The following INPP4B variants were observed in gnomAD, a reference collection of about 807,000 sequenced individuals.
INPP4B encodes inositol polyphosphate-4-phosphatase type II B.
Under a neutral mutation model 122.5 loss-of-function variants are expected in INPP4B, and 55 were observed. The observed-to-expected ratio is 0.45, with a 90% confidence interval of 0.36 to 0.56. INPP4B has a LOEUF of 0.56. Ranked by LOEUF, INPP4B falls within the 20% of genes least tolerant of loss-of-function variation. The probability of loss-of-function intolerance (pLI) is 0.00; values close to 1 mark genes in which losing one functional copy is unlikely to be tolerated. For synonymous variants in INPP4B, 403 were observed against 388.7 expected (o/e 1.04, Z -0.43); for missense variants, 1,000 against 1,097.7 (o/e 0.91, Z 1.26).
At chr4:142,752,437 G>A (rs1178847036) in intron 1 of INPP4B, among the ~76,000 whole-genome samples, 1 of 152,004 alleles carries the variant, frequency 6.6e-6, no homozygotes, top group Non-Finnish European at 1.5e-5. Flanking sequence ...ATCACAACCT[G>A]AATTTCCGCC....
intron 2 of INPP4B, among the ~76,000 whole-genome samples, chr4:142,658,736 G>T (rs1344542781): frequency 1.3e-5 from 2 of 152,108 alleles, no homozygotes; most frequent in South Asian, 2.1e-4. Context: ...ATCTTGACTT[G>T]CAGAGCCAAT....
chr4:142,243,152 C>T (rs1378644245), intron 11 of INPP4B, among the ~76,000 whole-genome samples: 1 of 152,068 alleles, frequency 6.6e-6, no homozygotes, highest in Non-Finnish European at 1.5e-5. Context: ...AAAGATTAAC[C>T]GTAACTGAAA....
At chr4:142,346,678 G>A (rs1262196903) in intron 7 of INPP4B, among the ~76,000 whole-genome samples, 1 of 151,882 alleles carries the variant, frequency 6.6e-6, no homozygotes, top group African/African-American at 2.4e-5. Context: ...TGCAATTATG[G>A]CTCTAACAAC....
At chr4:142,763,389 A>G (rs1351247136) in intron 1 of INPP4B, among the ~76,000 whole-genome samples, 2 of 152,182 alleles carry the variant, frequency 1.3e-5, no homozygotes, top group Non-Finnish European at 2.9e-5. Flanking sequence ...ATTTTGATAG[A>G]TATTAATTAA....
intron 2 of INPP4B, among the ~76,000 whole-genome samples, chr4:142,469,255 G>T (rs1346268513): frequency 6.6e-6 from 1 of 151,790 alleles, no homozygotes; most frequent in East Asian, 1.9e-4. Context: ...ATTTCCAAAA[G>T]AATGCAGCTC....
chr4:142,104,861 A>G (rs1786204023), intron 23 of INPP4B, among the ~76,000 whole-genome samples: 1 of 152,198 alleles, frequency 6.6e-6, no homozygotes. Context: ...AATAGCTGTT[A>G]TACTATATTT....
At chr4:142,553,736 G>A (rs1165031132) in intron 2 of INPP4B, among the ~76,000 whole-genome samples, 2 of 152,098 alleles carry the variant, frequency 1.3e-5, no homozygotes, top group African/African-American at 4.8e-5. Context: ...CTCCCCATTG[G>A]TGTTTCCTGG....
chr4:142,081,852 G>T (rs1213759070), intron 25 of INPP4B, among the ~76,000 whole-genome samples, 179 bp downstream of exon 25: 1 of 151,336 alleles, frequency 6.6e-6, no homozygotes, highest in Non-Finnish European at 1.5e-5. Flanking sequence ...AGATAGAGAT[G>T]AAATCATTAT....
intron 9 of INPP4B, among the ~76,000 whole-genome samples, chr4:142,289,822 A>T (rs1463272514): frequency 6.6e-6 from 1 of 152,196 alleles, no homozygotes; most frequent in African/African-American, 2.4e-5. Flanking sequence ...CCCCAAATCT[A>T]GACCAAAACT....
chr4:142,255,591 C>T (rs1032829053), intron 11 of INPP4B, among the ~76,000 whole-genome samples: 3 of 151,996 alleles, frequency 2.0e-5, no homozygotes, highest in Non-Finnish European at 2.9e-5. Flanking sequence ...CCAACAAAGA[C>T]CAAAAGCGAC....
intron 15 of INPP4B, among the ~76,000 whole-genome samples, chr4:142,176,529 C>T (rs538509373): frequency 6.6e-6 from 1 of 152,064 alleles, no homozygotes; most frequent in Non-Finnish European, 1.5e-5. Flanking sequence ...TATCAAATTC[C>T]CTGACAGTCT....
chr4:142,652,707 A>G (rs1334226293), intron 2 of INPP4B, among the ~76,000 whole-genome samples: 1 of 152,202 alleles, frequency 6.6e-6, no homozygotes, highest in Middle Eastern at 3.2e-3. Flanking sequence ...TCAACGAAAT[A>G]AAAGAGGACA....
intron 23 of INPP4B, among the ~76,000 whole-genome samples, chr4:142,095,709 A>T (rs1402851173): frequency 2.0e-5 from 3 of 152,198 alleles, no homozygotes; most frequent in Non-Finnish European, 4.4e-5. Flanking sequence ...GTCAACATAG[A>T]TTGCAAAGAC....
chr4:142,307,287 C>T (rs932686872), intron 8 of INPP4B, among the ~76,000 whole-genome samples: 1 of 152,170 alleles, frequency 6.6e-6, no homozygotes, highest in African/African-American at 2.4e-5. Flanking sequence ...CGAAAGCACA[C>T]TCCCCTCCCA....
rs567017544 is a variant in INPP4B at position 142,808,255 on chromosome 4, T to G, written c.-254+37954A>C. On this transcript the variant is annotated intron_variant, in intron 1 of 25. Transcript: ENST00000262992. ...TTGAAAATAATTACCAAATAAGGTT[T>G]CACAACAGGTGAGACTTCCTAGGAT... 2.0e-5 allele frequency among the ~76,000 whole-genome samples: 3 copies of G among 152,352 alleles called. No homozygotes were observed. In the East Asian group the frequency reaches 5.8e-4, roughly 29 times the overall value.
intron 1 of INPP4B, among the ~76,000 whole-genome samples, chr4:142,762,256 T>G (rs921902048): frequency 6.6e-6 from 1 of 152,132 alleles, no homozygotes; most frequent in Non-Finnish European, 1.5e-5. Flanking sequence ...TGGTTAATAC[T>G]AGAGTGGAGA....
intron 2 of INPP4B, among the ~76,000 whole-genome samples, chr4:142,494,237 A>G (rs1268692910): frequency 6.6e-6 from 1 of 152,152 alleles, no homozygotes; most frequent in Non-Finnish European, 1.5e-5. Context: ...AAACAGACTA[A>G]TACATGACTC....
chr4:142,107,081 T>G (rs576558249), intron 23 of INPP4B, among the ~76,000 whole-genome samples: 2 of 152,192 alleles, frequency 1.3e-5, no homozygotes, highest in Non-Finnish European at 2.9e-5. Context: ...TCCATGTACT[T>G]AAATTCATTT....
intron 2 of INPP4B, among the ~76,000 whole-genome samples, chr4:142,498,776 G>A (rs1309792543): frequency 2.0e-5 from 3 of 152,032 alleles, no homozygotes; most frequent in Admixed American, 2.0e-4. Context: ...GTGACAGACG[G>A]AGATCCTGTC....
Sources: allele counts gnomAD v4.1 joint callset (sites outside exome capture counted in the v4.1 genomes callset), GRCh38; gene constraint gnomAD v4.1.1; transcripts MANE v1.5; gene names NCBI Gene and HGNC (gene_info 2026-07-23, HGNC 2026-07-21).